The following SLC39A9 variants were observed in gnomAD, a reference collection of about 807,000 sequenced individuals.
SLC39A9 encodes zinc transporter ZIP9.
Under a neutral mutation model 28.4 loss-of-function variants are expected in SLC39A9, and 14 were observed. That is an observed-to-expected ratio of 0.49 (90% CI 0.33 to 0.77). The LOEUF is 0.77. Ranked by LOEUF, SLC39A9 falls within the 30% of genes least tolerant of loss-of-function variation. The probability of loss-of-function intolerance (pLI) is 0.02; values close to 1 mark genes in which losing one functional copy is unlikely to be tolerated. For synonymous variants in SLC39A9, 119 were observed against 149.6 expected (o/e 0.80, Z 1.49); for missense variants, 283 against 381.1 (o/e 0.74, Z 2.14).
intron 1 of SLC39A9, among the ~76,000 whole-genome samples, chr14:69,415,336 G>A (rs1342548393): frequency 6.6e-6 from 1 of 152,140 alleles, no homozygotes; most frequent in African/African-American, 2.4e-5. Context: ...GGTATGAAAA[G>A]GTATCTTGCA....
At chr14:69,453,784 G>T in intron 4 of SLC39A9, among the ~76,000 whole-genome samples, 1 of 152,220 alleles carries the variant, frequency 6.6e-6, no homozygotes, top group East Asian at 1.9e-4. Context: ...AAAGTTGCAG[G>T]AGGCTGAGGA....
At chr14:69,434,101 C>T (rs1290422931) in intron 2 of SLC39A9, among the ~76,000 whole-genome samples, 6 of 115,582 alleles carry the variant, frequency 5.2e-5, no homozygotes, top group East Asian at 2.4e-4. Context: ...TTTTTTTTTG[C>T]GCGACAGAGT....
chr14:69,420,632 C>T (rs576191586), intron 1 of SLC39A9, among the ~76,000 whole-genome samples: 4 of 152,344 alleles, frequency 2.6e-5, no homozygotes, highest in African/African-American at 9.6e-5. Flanking sequence ...CTTTCAGGTA[C>T]ACCAATCAAA....
chr14:69,442,328 G>T, intron 3 of SLC39A9, 62 bp downstream of exon 3: 1 of 1,490,912 alleles, frequency 6.7e-7, no homozygotes, highest in South Asian at 1.2e-5. Context: ...AGTTACAAAC[G>T]ATCAAATATT....
Position 69,458,671 on chromosome 14 carries a change from C to T in SLC39A9, c.*78C>T, listed in dbSNP as rs1398946786. The T allele has an allele frequency of 1.4e-5, 20 of 1,475,528 alleles. No individual in the cohort carries two copies. The highest frequency in any genetic ancestry group is 1.8e-6 in the Non-Finnish European group (2 of 1,110,300). 91.4% of individuals were successfully genotyped at this position (1,475,528 alleles called of 1,614,324 possible). A position where few individuals can be genotyped will look rare whatever the true frequency, so the allele number is the denominator to read the frequency against. The stretch of plus-strand genomic sequence containing the variant: ...CCGGCACGTGACAGCTACTCACTTC[C>T]TCAGTCTCTTGTCTCACCTTGCGCA... On this transcript the variant is annotated 3_prime_UTR_variant, in exon 7 of 7. Transcript: ENST00000336643.
chr14:69,436,325 T>C (rs1049455195), intron 2 of SLC39A9, among the ~76,000 whole-genome samples: 4 of 152,200 alleles, frequency 2.6e-5, no homozygotes, highest in African/African-American at 9.7e-5. Flanking sequence ...AGTCTTTGAA[T>C]GTTCCAGTAT....
At chr14:69,451,327 A>G (rs997804769) in intron 3 of SLC39A9, among the ~76,000 whole-genome samples, 1 of 152,148 alleles carries the variant, frequency 6.6e-6, no homozygotes, top group Non-Finnish European at 1.5e-5. Context: ...ATCCCCTGTA[A>G]CTTACTTGAC....
chr14:69,420,065 G>A (rs890644378), intron 1 of SLC39A9, among the ~76,000 whole-genome samples: 7 of 152,136 alleles, frequency 4.6e-5, no homozygotes, highest in Non-Finnish European at 2.9e-5. Flanking sequence ...TGCTTTGCCC[G>A]TTAGTTGGTG....
intron 6 of SLC39A9, among the ~76,000 whole-genome samples, chr14:69,457,166 T>C (rs1885899553): frequency 6.7e-6 from 1 of 149,404 alleles, no homozygotes; most frequent in Non-Finnish European, 1.5e-5. Context: ...GATTAGCTTA[T>C]GAGATATACA....
chr14:69,400,005 GA>G (rs1338776299), intron 1 of SLC39A9, among the ~76,000 whole-genome samples: 1 of 152,098 alleles, frequency 6.6e-6, no homozygotes, highest in Non-Finnish European at 1.5e-5. Context: ...AGGCTGCAGT[GA>G]GCCGTGTTTG....
At chr14:69,457,521 C>T (rs115659992) in intron 6 of SLC39A9, among the ~76,000 whole-genome samples, 299 of 151,774 alleles carry the variant, frequency 2.0e-3, no homozygotes, top group African/African-American at 6.8e-3. Context: ...TATTTCTAGG[C>T]TCTATGAGGT....
intron 3 of SLC39A9, among the ~76,000 whole-genome samples, chr14:69,446,890 G>A (rs371716312): frequency 2.8e-3 from 234 of 82,450 alleles, no homozygotes; most frequent in Middle Eastern, 6.9e-3. Context: ...AAAAAAAAAA[G>A]AAAAAGAAAA....
intron 2 of SLC39A9, among the ~76,000 whole-genome samples, chr14:69,438,322 C>T (rs1050008544): frequency 2.0e-5 from 3 of 152,112 alleles, no homozygotes; most frequent in Non-Finnish European, 4.4e-5. Flanking sequence ...CGCCTGACCC[C>T]CCTCTTTCTT....
At chr14:69,437,432 T>C (rs1379817780) in intron 2 of SLC39A9, among the ~76,000 whole-genome samples, 1 of 152,244 alleles carries the variant, frequency 6.6e-6, no homozygotes, top group East Asian at 1.9e-4. Flanking sequence ...TTTGTAGTCC[T>C]GAAGTAGTTG....
chr14:69,449,251 G>A (rs1282319962), intron 3 of SLC39A9, among the ~76,000 whole-genome samples: 1 of 152,144 alleles, frequency 6.6e-6, no homozygotes, highest in African/African-American at 2.4e-5. Flanking sequence ...GCACTGTTGG[G>A]TGGTATTGGA....
intron 2 of SLC39A9, among the ~76,000 whole-genome samples, chr14:69,441,371 A>G (rs1566920881): frequency 6.6e-6 from 1 of 152,190 alleles, no homozygotes; most frequent in Admixed American, 6.5e-5. Flanking sequence ...TATAGCAAAG[A>G]TAAGCTTTTT....
chr14:69,454,969 T>C, intron 5 of SLC39A9, 72 bp downstream of exon 5: 1 of 1,151,968 alleles, frequency 8.7e-7, no homozygotes, highest in Non-Finnish European at 1.3e-6. Flanking sequence ...GTCCTTAATG[T>C]TTTTCCTGGA....
At chr14:69,447,859 G>A (rs1466454588) in intron 3 of SLC39A9, among the ~76,000 whole-genome samples, 1 of 150,168 alleles carries the variant, frequency 6.7e-6, no homozygotes, top group Non-Finnish European at 1.5e-5. Flanking sequence ...GTTACAGTGA[G>A]CCAATATTGT....
intron 4 of SLC39A9, 37 bp downstream of exon 4, chr14:69,453,346 A>T (rs574680974): frequency 1.3e-6 from 2 of 1,581,728 alleles, no homozygotes; most frequent in Non-Finnish European, 1.7e-6. Context: ...TTTGTTTTCT[A>T]TCGCACAGGG....
Sources: gnomAD v4.1 joint callset for allele counts (sites outside exome capture counted in the v4.1 genomes callset) on GRCh38, gnomAD v4.1.1 for gene constraint, MANE v1.5 for transcripts, NCBI Gene and HGNC (gene_info 2026-07-23, HGNC 2026-07-21) for gene names.